Variants in CIMIP2A observed in about 807,000 individuals in gnomAD.
CIMIP2A encodes the protein ciliary microtubule inner protein 2A, also known as family with sequence similarity 166 member A.
chr9:137,245,646 G>A, the CIMIP2A span: 1,510 of 1,607,842 alleles, frequency 9.4e-4, 17 homozygotes, highest in African/African-American at 0.017. Context: ...CACTGGTGTA[G>A]TGGGGGATGT....
At chr9:137,252,520 C>T in the CIMIP2A span, 2 of 1,122,602 alleles carry the variant, frequency 1.8e-6, no homozygotes, top group African/African-American at 1.7e-5. Context: ...CGACCAAGAG[C>T]AAAAGGTTGG....
At chr9:137,246,750 G>GA in the CIMIP2A span, among the ~76,000 whole-genome samples, 118 of 152,040 alleles carry the variant, frequency 7.8e-4, 1 homozygote, top group East Asian at 0.016. Flanking sequence ...GCAACAGAGC[G>GA]AGACTCCGTC....
At chr9:137,251,087 G>A in the CIMIP2A span, 1 of 589,738 alleles carries the variant, frequency 1.7e-6, no homozygotes, top group South Asian at 1.9e-5. Context: ...GAGTCACCGG[G>A]GCAGGCTGGG....
At chr9:137,250,955 C>G in the CIMIP2A span, 1 of 360,864 alleles carries the variant, frequency 2.8e-6, no homozygotes, top group Non-Finnish European at 5.3e-6. Context: ...CCTCCACCCC[C>G]TCTGCTGAGG....
the CIMIP2A span, chr9:137,243,680 A>C: frequency 2.0e-5 from 33 of 1,613,940 alleles, no homozygotes; most frequent in Middle Eastern, 1.6e-4. Flanking sequence ...TGCTGTACAG[A>C]CACCACCATT....
the CIMIP2A span, chr9:137,245,072 C>G: frequency 6.2e-7 from 1 of 1,610,920 alleles, no homozygotes. Flanking sequence ...TCCAGCCCAG[C>G]CCAGGCCCAC....
the CIMIP2A span, chr9:137,253,040 G>C: frequency 6.6e-7 from 1 of 1,517,328 alleles, no homozygotes; most frequent in African/African-American, 1.4e-5. Context: ...TTCAGGGGCC[G>C]GGGGTGGGAA....
the CIMIP2A span, chr9:137,245,773 G>T: frequency 6.4e-7 from 1 of 1,553,528 alleles, no homozygotes; most frequent in Non-Finnish European, 8.7e-7. Context: ...CTGCACACTG[G>T]GGTCTGTGAG....
chr9:137,252,627 C>A, the CIMIP2A span: 2 of 1,497,548 alleles, frequency 1.3e-6, no homozygotes, highest in South Asian at 1.2e-5. Context: ...GTGGGGAGCA[C>A]CCTGCCCTGC....
chr9:137,243,686 C>A, the CIMIP2A span: 38 of 1,614,010 alleles, frequency 2.4e-5, no homozygotes, highest in East Asian at 4.0e-4. Context: ...ACAGACACCA[C>A]CATTAAAGCA....
the CIMIP2A span, chr9:137,244,584 G>A: frequency 6.3e-7 from 1 of 1,597,242 alleles, no homozygotes; most frequent in Non-Finnish European, 8.6e-7. Context: ...GAAGCTGCCA[G>A]GCAGGAGAGG....
the CIMIP2A span, chr9:137,244,994 T>C: frequency 6.2e-7 from 1 of 1,608,020 alleles, no homozygotes; most frequent in Non-Finnish European, 8.5e-7. Flanking sequence ...GCAGGAAAAG[T>C]GGGCCCCTGT....
the CIMIP2A span, among the ~76,000 whole-genome samples, chr9:137,249,906 C>T: frequency 6.6e-6 from 1 of 152,238 alleles, no homozygotes; most frequent in Non-Finnish European, 1.5e-5. Flanking sequence ...GTCACAGGAA[C>T]CCCAAATTGA....
chr9:137,253,424 A>G, the CIMIP2A span: 2 of 1,446,024 alleles, frequency 1.4e-6, no homozygotes, highest in East Asian at 5.0e-5. Context: ...AGGCTGGCCC[A>G]GCCTGGATCC....
the CIMIP2A span, chr9:137,244,785 C>T: frequency 1.3e-6 from 2 of 1,596,394 alleles, no homozygotes; most frequent in East Asian, 4.5e-5. Context: ...TTAGCCTTCC[C>T]CTGGGCACAC....
the CIMIP2A span, among the ~76,000 whole-genome samples, chr9:137,248,732 GGTGAAT>G: frequency 6.6e-6 from 1 of 152,110 alleles, no homozygotes; most frequent in Non-Finnish European, 1.5e-5. Context: ...AGCCAGGCAT[GGTGAAT>G]GTGCCTGTGA....
the CIMIP2A span, chr9:137,253,381 CT>C: frequency 4.6e-6 from 7 of 1,514,892 alleles, no homozygotes; most frequent in East Asian, 1.9e-4. Context: ...ATGCACCCTT[CT>C]GGCTGGCCAA....
At chr9:137,244,770 C>A in the CIMIP2A span, 1 of 1,604,044 alleles carries the variant, frequency 6.2e-7, no homozygotes, top group South Asian at 1.1e-5. Context: ...CTACCCCAAG[C>A]CCCCTTAGCC....
At chr9:137,246,054 C>T in the CIMIP2A span, among the ~76,000 whole-genome samples, 7 of 152,318 alleles carry the variant, frequency 4.6e-5, no homozygotes, top group South Asian at 6.2e-4. Flanking sequence ...CCTGAACAGG[C>T]GGCACACACC....
Sources: gnomAD v4.1 joint callset for allele counts (sites outside exome capture counted in the v4.1 genomes callset) on GRCh38, gnomAD v4.1.1 for gene constraint, MANE v1.5 for transcripts, NCBI Gene and HGNC (gene_info 2026-07-23, HGNC 2026-07-21) for gene names.